The following IHO1 variants were observed in gnomAD, a reference collection of about 807,000 sequenced individuals.
IHO1 encodes the protein interactor of HORMAD1 1, also known as interactor of HORMAD1 protein 1.
Under a neutral mutation model 31.0 loss-of-function variants are expected in IHO1, and 13 were observed. The observed-to-expected ratio is 0.42, with a 90% CI of 0.27 to 0.67. The LOEUF is 0.67. IHO1 is among the 30% of genes least tolerant of loss of function. The pLI, the probability that IHO1 is intolerant of heterozygous loss-of-function variation, is 0.24. For missense variants in IHO1, 599 were observed against 687.5 expected, an observed-to-expected ratio of 0.87 and a Z score of 1.44; for synonymous variants, 221 against 248.4, an observed-to-expected ratio of 0.89 and a Z score of 1.04.
intron 2 of IHO1, among the ~76,000 whole-genome samples, chr3:49,224,722 G>C (rs1270204852): frequency 6.6e-6 from 1 of 152,194 alleles, no homozygotes; most frequent in East Asian, 1.9e-4. Flanking sequence ...TATAGGTTAA[G>C]GTCAGGATTA....
chr3:49,232,496 C>T (rs1017285008), intron 2 of IHO1, among the ~76,000 whole-genome samples: 1 of 152,174 alleles, frequency 6.6e-6, no homozygotes, highest in Admixed American at 6.5e-5. Flanking sequence ...AGTGGTTATG[C>T]TTGTGTTTCT....
At position 49,212,970 on chromosome 3, in the gene IHO1, C is replaced by T. The variant is rs151013199; in HGVS notation, c.56+1134C>T. On this transcript the variant is annotated intron_variant, in intron 2 of 7. Coordinates refer to ENST00000452691, the MANE Select transcript of IHO1 (RefSeq NM_001135197.2). ...TTGGTCCATTTTACAGAGAGCTGAT[C>T]GGTCTGTTTTACAGAGAGCTGATTG... Among the ~76,000 whole-genome samples, 24 of 152,262 alleles carry T rather than the reference C, an allele frequency of 1.6e-4. No homozygotes were observed. In the South Asian group the frequency reaches 3.9e-3, roughly 25 times the overall value.
At chr3:49,250,719 T>C (rs1162143345) in intron 6 of IHO1, among the ~76,000 whole-genome samples, 2 of 152,060 alleles carry the variant, frequency 1.3e-5, no homozygotes, top group Non-Finnish European at 2.9e-5. Context: ...GTGAGAAATA[T>C]GGGAAAATTT....
chr3:49,215,355 G>A (rs1675193509), intron 2 of IHO1, among the ~76,000 whole-genome samples: 1 of 152,094 alleles, frequency 6.6e-6, no homozygotes, highest in East Asian at 1.9e-4. Context: ...GGCCTTCATA[G>A]TTTTAAGATA....
chr3:49,213,927 A>G, intron 2 of IHO1: 1 of 407,710 alleles, frequency 2.5e-6, no homozygotes, highest in Non-Finnish European at 5.2e-6. Flanking sequence ...AAGCATGGCC[A>G]GAGTGGACGC....
chr3:49,235,125 G>A (rs950351466), intron 2 of IHO1, among the ~76,000 whole-genome samples: 2 of 152,084 alleles, frequency 1.3e-5, no homozygotes, highest in Non-Finnish European at 2.9e-5. Flanking sequence ...TAGGATTACA[G>A]GCGTGAGCCA....
chr3:49,201,362 C>T (rs1428158687), intron 1 of IHO1, among the ~76,000 whole-genome samples: 1 of 151,912 alleles, frequency 6.6e-6, no homozygotes, highest in Non-Finnish European at 1.5e-5. Context: ...AATCCCAGCA[C>T]TTTGGGAGGC....
At chr3:49,239,507 C>T (rs1238681976) in intron 3 of IHO1, among the ~76,000 whole-genome samples, 3 of 151,512 alleles carry the variant, frequency 2.0e-5, no homozygotes, top group Non-Finnish European at 1.5e-5. Context: ...GTCTCAATCT[C>T]CTGACCTCAT....
At chr3:49,220,335 G>A (rs1432326085) in intron 2 of IHO1, among the ~76,000 whole-genome samples, 1 of 152,198 alleles carries the variant, frequency 6.6e-6, no homozygotes, top group Non-Finnish European at 1.5e-5. Flanking sequence ...TGGTAGTGCC[G>A]CAGTAGATTT....
At chr3:49,218,714 A>G (rs932044130) in intron 2 of IHO1, among the ~76,000 whole-genome samples, 2 of 152,152 alleles carry the variant, frequency 1.3e-5, no homozygotes, top group African/African-American at 4.8e-5. Flanking sequence ...AGTGGCATAG[A>G]GCCAAGTATG....
At chr3:49,214,607 C>CATATATATATAT (rs1311032715) in intron 2 of IHO1, among the ~76,000 whole-genome samples, 41 of 24,758 alleles carry the variant, frequency 1.7e-3, no homozygotes, top group African/African-American at 2.4e-3. Flanking sequence ...ATTTCTAGAT[C>CATATATATATAT]ATATATATAT....
chr3:49,237,981 T>A (rs968940491), intron 3 of IHO1, among the ~76,000 whole-genome samples: 1 of 135,706 alleles, frequency 7.4e-6, no homozygotes, highest in African/African-American at 2.7e-5. Context: ...GTTCACTGAC[T>A]GCAAACTTCG....
At chr3:49,239,726 G>A (rs937204432) in intron 3 of IHO1, among the ~76,000 whole-genome samples, 1 of 149,634 alleles carries the variant, frequency 6.7e-6, no homozygotes, top group South Asian at 2.1e-4. Flanking sequence ...GCAATGGTAC[G>A]ATCTCGGCTC....
At chr3:49,191,920 A>G in the IHO1 span, 1 of 759,870 alleles carries the variant, frequency 1.3e-6, no homozygotes. Context: ...TTGTTGAGAC[A>G]GTACATGACC....
upstream of IHO1, among the ~76,000 whole-genome samples, chr3:49,194,458 C>T (rs1168149897): frequency 6.8e-6 from 1 of 146,314 alleles, no homozygotes; most frequent in Non-Finnish European, 1.5e-5. Flanking sequence ...TGCCCACCAC[C>T]CCGCCTGGCT....
At chr3:49,252,644 A>G (rs777700390) in intron 6 of IHO1, among the ~76,000 whole-genome samples, 15 of 151,496 alleles carry the variant, frequency 9.9e-5, no homozygotes, top group Non-Finnish European at 1.5e-5. Flanking sequence ...CTGGTCTAGA[A>G]CTCCTGGGCC....
the IHO1 span, chr3:49,191,646 G>A: frequency 7.3e-7 from 1 of 1,363,040 alleles, no homozygotes; most frequent in Non-Finnish European, 1.0e-6. Context: ...CAGGTTGGAT[G>A]CCAAATGAAA....
At chr3:49,213,947 G>A (rs1267134356) in intron 2 of IHO1, 4 of 416,444 alleles carry the variant, frequency 9.6e-6, no homozygotes, top group Non-Finnish European at 2.0e-5. Context: ...CCAAGGCCAA[G>A]GAAGCTCCGA....
rs376698035 is a variant in IHO1 at position 49,256,540 on chromosome 3, T to C, written c.1043T>C (p.Val348Ala). 2.0e-5 allele frequency: 32 copies of C among 1,613,998 alleles called. No homozygotes were observed. Among genetic ancestry groups the C allele is most frequent in the Non-Finnish European group, 2.5e-5 (30 of 1,180,032 alleles). The change falls in exon 8 of 8, where the codon GTA becomes GCA. Residue 348 changes from valine (V) to alanine (A), a missense_variant. Physicochemically the swap from Val to Ala is moderately conservative, Grantham distance 64 (BLOSUM62 0). Coordinates refer to ENST00000452691, the MANE Select transcript of IHO1 (RefSeq NM_001135197.2). The surrounding 1 kb of genome is among the most constrained non-coding windows in gnomAD (Gnocchi z 4.6). ...GGGTCCCATGAAAGAAATAGGCATG[T>C]AAAGGACAAGGTGGTGCAGACTAAC... ...AFGSHERNRH[V>A]KDKVVQTNCK... is the part of the protein sequence containing the mutation.
Sources: allele counts gnomAD v4.1 joint callset (sites outside exome capture counted in the v4.1 genomes callset), GRCh38; gene constraint gnomAD v4.1.1; non-coding constraint Gnocchi (gnomAD v3.1); transcripts MANE v1.5; gene names NCBI Gene and HGNC (gene_info 2026-07-23, HGNC 2026-07-21).